NDST3: variants seen among roughly 807,000 people sequenced by gnomAD.
NDST3 encodes the protein bifunctional heparan sulfate N-deacetylase/N-sulfotransferase 3.
NDST3 carries 58 observed loss-of-function variants against 96.1 expected under a neutral mutation model. That is an observed-to-expected ratio of 0.60 (90% CI 0.49 to 0.75). NDST3 has a LOEUF of 0.75. NDST3 is among the 30% of genes least tolerant of loss of function. The pLI is 0.00. For missense variants in NDST3, 788 were observed against 1,034.2 expected (o/e 0.76, Z 3.27); for synonymous variants, 333 against 359.7 (o/e 0.93, Z 0.84).
At chr4:118,134,470 A>G (rs1732906463) in intron 4 of NDST3, among the ~76,000 whole-genome samples, 1 of 152,180 alleles carries the variant, frequency 6.6e-6, no homozygotes, top group African/African-American at 2.4e-5. Flanking sequence ...GCAATGGGAT[A>G]AGATGGTAGA....
intron 6 of NDST3, among the ~76,000 whole-genome samples, chr4:118,223,944 G>A (rs959646433): frequency 3.3e-5 from 5 of 152,026 alleles, no homozygotes; most frequent in Admixed American, 6.6e-5. Flanking sequence ...CCCATTCTAC[G>A]TCTACATCCC....
At chr4:118,197,504 T>C (rs1286457669) in intron 6 of NDST3, among the ~76,000 whole-genome samples, 2 of 152,182 alleles carry the variant, frequency 1.3e-5, no homozygotes, top group Non-Finnish European at 2.9e-5. Flanking sequence ...ATTCAGTGCA[T>C]ATATATTTAA....
At chr4:118,248,607 A>T (rs1376975473) in intron 12 of NDST3, among the ~76,000 whole-genome samples, 1 of 152,220 alleles carries the variant, frequency 6.6e-6, no homozygotes, top group Non-Finnish European at 1.5e-5. Context: ...CTAGAAGCGG[A>T]CACTAAACAA....
At chr4:118,162,707 A>G (rs1337226775) in intron 6 of NDST3, among the ~76,000 whole-genome samples, 2 of 148,268 alleles carry the variant, frequency 1.3e-5, no homozygotes, top group Non-Finnish European at 3.0e-5. Context: ...CTTCATGTCT[A>G]AAACACCAAA....
At chr4:118,106,102 C>G (rs574399661) in intron 3 of NDST3, among the ~76,000 whole-genome samples, 30 of 152,104 alleles carry the variant, frequency 2.0e-4, no homozygotes, top group Admixed American at 5.2e-4. Context: ...TTTGGATATC[C>G]TCTCTTGAGG....
At chr4:118,122,367 G>A (rs553458377) in intron 4 of NDST3, among the ~76,000 whole-genome samples, 207 of 152,296 alleles carry the variant, frequency 1.4e-3, no homozygotes, top group African/African-American at 4.9e-3. Flanking sequence ...AAACATGGCA[G>A]AGATGGAAGT....
At chr4:118,097,518 C>T (rs1729411127) in intron 2 of NDST3, among the ~76,000 whole-genome samples, 1 of 151,964 alleles carries the variant, frequency 6.6e-6, no homozygotes, top group South Asian at 2.1e-4. Flanking sequence ...TCCCCTATAT[C>T]AAAATCACCC....
At chr4:118,189,732 TA>T (rs1278120071) in intron 6 of NDST3, among the ~76,000 whole-genome samples, 2 of 152,228 alleles carry the variant, frequency 1.3e-5, no homozygotes, top group African/African-American at 4.8e-5. Flanking sequence ...TTCTATTTTT[TA>T]TAGTTTACTC....
intron 5 of NDST3, 51 bp from the exon 6 acceptor site, chr4:118,143,505 A>G (rs1223020852): frequency 6.4e-6 from 10 of 1,573,828 alleles, no homozygotes; most frequent in African/African-American, 1.4e-5. Context: ...GTTTCAACAA[A>G]TTGATTGGAA....
At chr4:118,210,804 C>T (rs1452690286) in intron 6 of NDST3, among the ~76,000 whole-genome samples, 3 of 151,364 alleles carry the variant, frequency 2.0e-5, no homozygotes, top group Non-Finnish European at 4.4e-5. Flanking sequence ...GCGGGGGGAC[C>T]CTGCTCAAGA....
intron 12 of NDST3, among the ~76,000 whole-genome samples, chr4:118,247,910 A>G (rs1741424745): frequency 6.6e-6 from 1 of 152,210 alleles, no homozygotes; most frequent in Non-Finnish European, 1.5e-5. Flanking sequence ...AATTTACTGA[A>G]TTGCTATTTT....
chr4:118,172,427 ATG>A (rs1736009789), intron 6 of NDST3, among the ~76,000 whole-genome samples: 1 of 152,240 alleles, frequency 6.6e-6, no homozygotes, highest in Non-Finnish European at 1.5e-5. Context: ...TGAAGGGAAA[ATG>A]TGTAAATAAA....
chr4:118,106,733 G>A lies in NDST3; in HGVS notation c.1069+1628G>A, dbSNP rs532848816. Among the ~76,000 whole-genome samples, 664 of 152,214 alleles carry A rather than the reference G, an allele frequency of 4.4e-3. 5 individuals carry two copies. Among genetic ancestry groups the A allele is most frequent in the Non-Finnish European group, 7.5e-3 (509 of 68,004 alleles). The stretch of plus-strand genomic sequence containing the variant: ...TTGAGCTCAGGAGGTCTAGGCTGCA[G>A]TAAACTATGTTCATGCCACTGCGCT... On this transcript the variant is annotated intron_variant, in intron 3 of 13. Coordinates refer to ENST00000296499, the MANE Select transcript of NDST3 (RefSeq NM_004784.3).
upstream of NDST3, chr4:118,033,595 CGGCTCCCGCCCGGGAGGCGGT>C (rs1280968314): frequency 6.6e-6 from 1 of 151,878 alleles, no homozygotes; most frequent in East Asian, 2.0e-4. Context: ...TGGGAGGCGG[CGGCTCCCGCCCGGGAGGCGGT>C]GGCGAGGGCG....
intron 6 of NDST3, among the ~76,000 whole-genome samples, chr4:118,151,877 G>C (rs572128285): frequency 2.0e-5 from 3 of 152,116 alleles, no homozygotes; most frequent in South Asian, 2.1e-4. Context: ...CTGATTTAGA[G>C]GCCCCTCCTG....
chr4:118,116,178 T>A (rs1731077845), intron 4 of NDST3, among the ~76,000 whole-genome samples: 1 of 152,232 alleles, frequency 6.6e-6, no homozygotes, highest in Non-Finnish European at 1.5e-5. Flanking sequence ...TCTGTCATTT[T>A]CAGAAATCTA....
intron 2 of NDST3, among the ~76,000 whole-genome samples, chr4:118,092,323 A>C (rs1435235267): frequency 1.3e-5 from 2 of 151,692 alleles, no homozygotes; most frequent in Non-Finnish European, 3.0e-5. Flanking sequence ...AAGCCCAGGA[A>C]ACTTCCCTCT....
intron 6 of NDST3, among the ~76,000 whole-genome samples, chr4:118,223,832 C>T (rs1026887980): frequency 6.6e-6 from 1 of 151,952 alleles, no homozygotes; most frequent in Non-Finnish European, 1.5e-5. Flanking sequence ...GCAGCATAAA[C>T]GTCACAATGG....
chr4:118,088,568 T>C (rs530603305), intron 2 of NDST3, among the ~76,000 whole-genome samples: 2 of 152,146 alleles, frequency 1.3e-5, no homozygotes, highest in African/African-American at 4.8e-5. Flanking sequence ...GTCAGCACCT[T>C]TGCAATTTTT....
Sources: gnomAD v4.1 joint callset for allele counts (sites outside exome capture counted in the v4.1 genomes callset) on GRCh38, gnomAD v4.1.1 for gene constraint, MANE v1.5 for transcripts, NCBI Gene and HGNC (gene_info 2026-07-23, HGNC 2026-07-21) for gene names.